SIPA1L1: variants seen among roughly 807,000 people sequenced by gnomAD.
SIPA1L1 encodes signal-induced proliferation-associated 1-like protein 1.
In SIPA1L1, 26 loss-of-function variants were observed where a neutral mutation model predicts 162.7. The ratio of observed to expected loss-of-function variants is 0.16; its 90% CI spans 0.12 to 0.22. SIPA1L1 has a LOEUF of 0.22. Among genes scored for constraint, SIPA1L1 ranks in the 10% least tolerant of loss-of-function variants. SIPA1L1 has a pLI of 1.00. For synonymous variants in SIPA1L1, 829 were observed against 837.4 expected (o/e 0.99, Z 0.17); for missense variants, 1,874 against 2,241.0 (o/e 0.84, Z 3.31).
chr14:71,566,371 G>A (rs762711404), intron 4 of SIPA1L1, among the ~76,000 whole-genome samples: 1 of 152,108 alleles, frequency 6.6e-6, no homozygotes, highest in Non-Finnish European at 1.5e-5. Context: ...ATAAATTTGT[G>A]CAATTCAAAA....
intron 2 of SIPA1L1, among the ~76,000 whole-genome samples, chr14:71,419,232 A>C (rs946912692): frequency 5.4e-5 from 8 of 147,318 alleles, no homozygotes; most frequent in Non-Finnish European, 1.0e-4. Flanking sequence ...GTTTTCTTTC[A>C]GGGTTTTTTT....
intron 2 of SIPA1L1, among the ~76,000 whole-genome samples, chr14:71,411,983 G>A (rs547706425): frequency 6.6e-6 from 1 of 152,162 alleles, no homozygotes; most frequent in Non-Finnish European, 1.5e-5. Context: ...GTTTATTCAT[G>A]TTCCTAAGTG....
intron 5 of SIPA1L1, among the ~76,000 whole-genome samples, chr14:71,600,225 C>G (rs1490322760): frequency 6.6e-6 from 1 of 152,130 alleles, no homozygotes; most frequent in Non-Finnish European, 1.5e-5. Flanking sequence ...TTGCCTTCTT[C>G]TAGTAGCCTT....
At chr14:71,534,591 C>T (rs1307522379) in intron 4 of SIPA1L1, among the ~76,000 whole-genome samples, 1 of 152,106 alleles carries the variant, frequency 6.6e-6, no homozygotes, top group Non-Finnish European at 1.5e-5. Context: ...AAAAAATTTC[C>T]TTCACAAACC....
chr14:71,707,138 C>T (rs1241756756), intron 16 of SIPA1L1, among the ~76,000 whole-genome samples: 1 of 151,266 alleles, frequency 6.6e-6, no homozygotes, highest in African/African-American at 2.4e-5. Flanking sequence ...CACGCACGCA[C>T]ACACACACGC....
intron 2 of SIPA1L1, among the ~76,000 whole-genome samples, chr14:71,440,991 GAT>G (rs2044806157): frequency 6.6e-6 from 1 of 152,122 alleles, no homozygotes; most frequent in Admixed American, 6.5e-5. Context: ...TTCTTTAAAA[GAT>G]ATCACTAAGG....
At chr14:71,516,175 A>G (rs181650638) in intron 3 of SIPA1L1, among the ~76,000 whole-genome samples, 16 of 152,244 alleles carry the variant, frequency 1.1e-4, no homozygotes, top group Admixed American at 1.0e-3. Context: ...CATCATGGAT[A>G]GAACTCTAAG....
At chr14:71,724,966 C>A in intron 19 of SIPA1L1, 131 bp downstream of exon 19, 1 of 758,176 alleles carries the variant, frequency 1.3e-6, no homozygotes. Flanking sequence ...TTCCTGCTAT[C>A]ATCCCATTTC....
rs570631634 is a variant in SIPA1L1 at position 71,739,090 on chromosome 14, G to A, written c.5281G>A (p.Glu1761Lys). The change falls in exon 24 of 24, where the codon GAG becomes AAG. Residue 1761 changes from glutamate to lysine, a missense_variant. Glu to Lys is a moderately conservative substitution (Grantham distance 56). This residue lies in a region of SIPA1L1 where 936 missense variants were observed against 1,051.9 expected (regional missense o/e 0.89). Coordinates refer to ENST00000381232, the MANE Select transcript of SIPA1L1 (RefSeq NM_001386936.1). The stretch of plus-strand genomic sequence containing the variant: ...AGAGGACAACCTGAGGCTACAGGAG[G>A]AGTCCCAGAACGCCTCGGACAAGCT... ...LREDNLRLQE[E>K]SQNASDKLKK... 1.9e-6 allele frequency: 3 copies of A among 1,614,078 alleles called. No individual in the cohort carries two copies. In the East Asian group the frequency reaches 6.7e-5, roughly 36 times the overall value.
chr14:71,570,304 A>G (rs2031726606), intron 4 of SIPA1L1, among the ~76,000 whole-genome samples: 1 of 151,338 alleles, frequency 6.6e-6, no homozygotes. Context: ...ATGAGGTCTC[A>G]CTCTGTCACA....
In SIPA1L1 at chr14:71,433,677, T is replaced by C. The variant is rs192787943; in HGVS notation, c.-464-79066T>C. 4.9e-4 allele frequency among the ~76,000 whole-genome samples: 74 copies of C among 152,258 alleles called. 1 individual carries two copies. The highest frequency in any genetic ancestry group is 1.8e-3 in the African/African-American group (73 of 41,538). On this transcript the variant is annotated intron_variant, in intron 2 of 23. Coordinates refer to ENST00000381232, the MANE Select transcript of SIPA1L1 (RefSeq NM_001386936.1). Reference sequence around the variant, plus strand: ...TTTTTTTTTTCCTGAGAAAAGATCATTGAAGACCAAAACTTTGTCAAAATC... The same window carrying C: ...TTTTTTTTTTCCTGAGAAAAGATCACTGAAGACCAAAACTTTGTCAAAATC...
chr14:71,683,745 A>G (rs539426599), intron 12 of SIPA1L1, among the ~76,000 whole-genome samples: 5 of 152,374 alleles, frequency 3.3e-5, no homozygotes, highest in African/African-American at 1.2e-4. Flanking sequence ...TTTTAATGAC[A>G]TAGCAGTCAT....
Position 71,543,545 on chromosome 14 carries a change from A to G in SIPA1L1, c.-303+14175A>G, listed in dbSNP as rs143262593. ...TTCCAGTTGCTCCACATTTCTTACC[A>G]GTATTTGGTATTATCAGTTTTTAAA... On this transcript the variant is annotated intron_variant, in intron 4 of 23. Coordinates refer to ENST00000381232, the MANE Select transcript of SIPA1L1 (RefSeq NM_001386936.1). 6.6e-5 allele frequency among the ~76,000 whole-genome samples: 10 copies of G among 152,272 alleles called. No homozygotes were observed. In the East Asian group the frequency reaches 1.9e-3, roughly 29 times the overall value.
chr14:71,682,254 A>G (rs1399378583), intron 12 of SIPA1L1, among the ~76,000 whole-genome samples: 1 of 152,218 alleles, frequency 6.6e-6, no homozygotes, highest in Non-Finnish European at 1.5e-5. Flanking sequence ...TATAGGTATT[A>G]TTAGAGTTAC....
intron 17 of SIPA1L1, among the ~76,000 whole-genome samples, chr14:71,722,130 G>A (rs2083795858): frequency 6.6e-6 from 1 of 152,198 alleles, no homozygotes; most frequent in South Asian, 2.1e-4. Flanking sequence ...CCAGGGGTGG[G>A]GGAGGGAGCA....
chr14:71,359,119 T>G (rs1185885151), intron 2 of SIPA1L1, among the ~76,000 whole-genome samples: 1 of 152,140 alleles, frequency 6.6e-6, no homozygotes. Context: ...TCCCCACATA[T>G]TGTGGGAGGG....
intron 7 of SIPA1L1, among the ~76,000 whole-genome samples, chr14:71,635,620 A>G (rs1369227135): frequency 2.0e-5 from 3 of 152,244 alleles, no homozygotes; most frequent in African/African-American, 7.2e-5. Context: ...TCTAAGAGAT[A>G]CATTCAAAAG....
Position 71,730,058 on chromosome 14 carries a change from C to T in SIPA1L1, c.4618C>T (p.His1540Tyr). Reference sequence around the variant, plus strand: ...TTGTCTTGATCCTGTTTTTCAGTTCCACGCACTCTCCTCTCCTCAGTCTCC... The same window carrying T: ...TTGTCTTGATCCTGTTTTTCAGTTCTACGCACTCTCCTCTCCTCAGTCTCC... ...TPESQKSFKF[H>Y]ALSSPQSPFP... The change falls in exon 20 of 24, where the codon CAC (histidine) becomes TAC (tyrosine). Residue 1540 changes from histidine to tyrosine, a missense_variant. By Grantham distance (83) the His-to-Tyr change is moderately conservative. Around this residue, in one of 5 missense-constraint regions of SIPA1L1, gnomAD observed 936 missense variants for 1,051.9 expected, o/e 0.89. Transcript: ENST00000381232. 6.2e-7 allele frequency: 1 copy of T among 1,613,178 alleles called. No individual in the cohort carries two copies.
chr14:71,668,022 G>A (rs955987847), intron 10 of SIPA1L1, among the ~76,000 whole-genome samples: 4 of 151,736 alleles, frequency 2.6e-5, no homozygotes, highest in East Asian at 1.9e-4. Context: ...CCGAGATCGC[G>A]CCACTGCACT....
Sources: gnomAD v4.1 joint callset for allele counts (sites outside exome capture counted in the v4.1 genomes callset) on GRCh38, gnomAD v4.1.1 for gene constraint, gnomAD v4.1.1 regional missense constraint, MANE v1.5 for transcripts, NCBI Gene and HGNC (gene_info 2026-07-23, HGNC 2026-07-21) for gene names.